RALGAPA1: variants seen among roughly 807,000 people sequenced by gnomAD.
RALGAPA1 encodes Ral GTPase activating protein catalytic subunit alpha 1.
RALGAPA1 carries 52 observed loss-of-function variants against 269.6 expected under a neutral mutation model. The observed-to-expected ratio is 0.19, with a 90% CI of 0.15 to 0.24. The LOEUF (loss-of-function observed/expected upper bound fraction) is 0.24. Among genes scored for constraint, RALGAPA1 ranks in the 10% least tolerant of loss-of-function variants. The pLI, the probability that RALGAPA1 is intolerant of heterozygous loss-of-function variation, is 1.00. For synonymous variants in RALGAPA1, 817 were observed against 1,008.3 expected, an observed-to-expected ratio of 0.81 and a Z score of 3.60; for missense variants, 1,917 against 3,013.9, an observed-to-expected ratio of 0.64 and a Z score of 8.52.
At chr14:35,658,794 T>C (rs1392187073) in intron 28 of RALGAPA1, among the ~76,000 whole-genome samples, 1 of 151,716 alleles carries the variant, frequency 6.6e-6, no homozygotes, top group Non-Finnish European at 1.5e-5. Flanking sequence ...CAAAAATTCA[T>C]TGGGTACCTG....
At chr14:35,673,602 C>T (rs935009762) in intron 24 of RALGAPA1, among the ~76,000 whole-genome samples, 5 of 151,736 alleles carry the variant, frequency 3.3e-5, no homozygotes, top group Non-Finnish European at 2.9e-5. Context: ...TTTTTTGAGA[C>T]GGAGTTTCGC....
At chr14:35,559,679 C>A (rs1019403884) in intron 39 of RALGAPA1, among the ~76,000 whole-genome samples, 2 of 152,142 alleles carry the variant, frequency 1.3e-5, no homozygotes, top group Non-Finnish European at 2.9e-5. Flanking sequence ...CATACTGTTA[C>A]ACTAAATTTG....
intron 35 of RALGAPA1, among the ~76,000 whole-genome samples, chr14:35,614,204 TC>T (rs2060116474): frequency 6.6e-6 from 1 of 152,212 alleles, no homozygotes; most frequent in Non-Finnish European, 1.5e-5. Context: ...AGTTATCATA[TC>T]ATCCAGCAAT....
Position 35,634,714 on chromosome 14 carries a change from G to C in RALGAPA1, c.5855C>G (p.Pro1952Arg). ...AGAGAGGCTCATGGGAAAATACCTT[G>C]GATTGCTAAAACACTGAGCTCCATA... ...CVYGAQCFSN[P>R]RYFPMSLSDL... The change falls in exon 33 of 42, where the codon CCA becomes CGA. Residue 1952 changes from proline to arginine, a missense_variant. Coordinates refer to ENST00000680220, the MANE Select transcript of RALGAPA1 (RefSeq NM_001346249.2). 1.2e-6 allele frequency: 2 copies of C among 1,612,028 alleles called. No homozygotes were observed. Among genetic ancestry groups the C allele is most frequent in the Non-Finnish European group, 1.7e-6 (2 of 1,178,880 alleles).
chr14:35,716,456 A>G (rs2068838234), intron 16 of RALGAPA1, among the ~76,000 whole-genome samples: 1 of 151,816 alleles, frequency 6.6e-6, no homozygotes. Context: ...CCTCCCCTAA[A>G]TATTTCAGGA....
At chr14:35,663,658 C>T (rs1484783722) in intron 27 of RALGAPA1, among the ~76,000 whole-genome samples, 2 of 149,672 alleles carry the variant, frequency 1.3e-5, no homozygotes, top group African/African-American at 5.0e-5. Flanking sequence ...GGCGCAATCT[C>T]GGCTCACTGC....
chr14:35,655,281 A>C (rs2063105673), intron 29 of RALGAPA1, among the ~76,000 whole-genome samples: 1 of 152,122 alleles, frequency 6.6e-6, no homozygotes, highest in Non-Finnish European at 1.5e-5. Context: ...TACAAGTCTT[A>C]AAACAACAAT....
chr14:35,626,389 C>T (rs1387387014), intron 34 of RALGAPA1, among the ~76,000 whole-genome samples: 1 of 152,146 alleles, frequency 6.6e-6, no homozygotes, highest in African/African-American at 2.4e-5. Context: ...ATACATTACC[C>T]CTCCTTCCAC....
chr14:35,790,983 G>A (rs1214947491), intron 1 of RALGAPA1, among the ~76,000 whole-genome samples: 1 of 152,142 alleles, frequency 6.6e-6, no homozygotes, highest in African/African-American at 2.4e-5. Context: ...AGATGAAGCA[G>A]TCTTAAGATG....
At chr14:35,765,912 A>G in intron 4 of RALGAPA1, 1 of 1,153,236 alleles carries the variant, frequency 8.7e-7, no homozygotes, top group Non-Finnish European at 1.3e-6. Flanking sequence ...TGAGTTTGCT[A>G]TGAGATCTGG....
In RALGAPA1 at chr14:35,752,066, G is replaced by A; in HGVS notation, c.760C>T (p.Pro254Ser). The A allele has an allele frequency of 1.3e-6, 2 of 1,580,886 alleles. No individual in the cohort carries two copies. The highest frequency in any genetic ancestry group is 1.7e-6 in the Non-Finnish European group (2 of 1,168,976). Residue 254 changes from proline to serine, a missense_variant, in exon 8 of 42, where the codon CCA becomes TCA. Transcript: ENST00000680220. ...AAACTGTTTTCCTTACAGATGTTTG[G>A]AAAAATATAAGGCAAGTAATATTTC... ...FKKYYLPYIF[P>S]NICKENSLYH...
chr14:35,656,010 T>G, intron 28 of RALGAPA1, 95 bp from the exon 29 acceptor site: 1 of 1,575,186 alleles, frequency 6.3e-7, no homozygotes, highest in Non-Finnish European at 8.6e-7. Context: ...CATGCACTAT[T>G]TTAAATGAAT....
chr14:35,560,502 T>C (rs922561312), intron 39 of RALGAPA1, among the ~76,000 whole-genome samples: 13 of 152,132 alleles, frequency 8.5e-5, no homozygotes, highest in Admixed American at 8.5e-4. Context: ...TTCCATCCCA[T>C]CCTCTCACCC....
intron 16 of RALGAPA1, among the ~76,000 whole-genome samples, chr14:35,708,550 G>C (rs1470783246): frequency 1.3e-5 from 2 of 152,102 alleles, no homozygotes; most frequent in African/African-American, 2.4e-5. Flanking sequence ...ACTACAATGA[G>C]ATAGCCCACC....
Position 35,790,842 on chromosome 14 carries a change from A to G in RALGAPA1, c.107-15097T>C, listed in dbSNP as rs1006612260. On this transcript the variant is annotated intron_variant, in intron 1 of 41. Transcript: ENST00000680220. The stretch of plus-strand genomic sequence containing the variant: ...AAACTTTTTGTTAAACTTTTGTAAC[A>G]GAAGTCTGCAAAAGGGTAATCGCTT... Among the ~76,000 whole-genome samples the G allele has an allele frequency of 2.6e-5, 4 of 152,208 alleles. No individual in the cohort carries two copies. In the East Asian group the frequency reaches 7.7e-4, roughly 29 times the overall value.
intron 17 of RALGAPA1, among the ~76,000 whole-genome samples, chr14:35,698,278 G>A (rs535227824): frequency 6.6e-6 from 1 of 152,258 alleles, no homozygotes; most frequent in African/African-American, 2.4e-5. Context: ...TTACAGCAAA[G>A]CAAGAATTCT....
At chr14:35,582,122 A>G (rs989441014) in intron 37 of RALGAPA1, among the ~76,000 whole-genome samples, 3 of 152,224 alleles carry the variant, frequency 2.0e-5, no homozygotes, top group African/African-American at 7.2e-5. Context: ...AAACAGGCAC[A>G]AAAGGACACA....
intron 35 of RALGAPA1, among the ~76,000 whole-genome samples, chr14:35,612,455 G>A (rs117020285): frequency 2.2e-3 from 336 of 150,866 alleles, no homozygotes; most frequent in South Asian, 2.7e-3. Context: ...AAAATGTAAG[G>A]GCGGAAACTA....
chr14:35,688,563 G>A lies in RALGAPA1; in HGVS notation c.3848C>T (p.Pro1283Leu), dbSNP rs1217269897. ...CCTCTGTGGGGAAACATTTGCCTTCGGCTTCGAAAGAGCATGTACAACAGT... is the reference window on the plus strand; with the variant it reads ...CCTCTGTGGGGAAACATTTGCCTTCAGCTTCGAAAGAGCATGTACAACAGT... Reference protein sequence around the residue: ...YKTVVHALSKPKANVSPQRQN... With the variant: ...YKTVVHALSKLKANVSPQRQN... The change falls in exon 18 of 42, where the codon CCG becomes CTG. Residue 1283 changes from proline (P) to leucine (L), a missense_variant. Physicochemically the swap from Pro to Leu is moderately conservative, Grantham distance 98. Around this residue, in one of 11 missense-constraint regions of RALGAPA1, gnomAD observed 615 missense variants for 790.0 expected, o/e 0.78. Transcript: ENST00000680220. The A allele has an allele frequency of 2.6e-6, 4 of 1,536,090 alleles. No individual in the cohort carries two copies. Among genetic ancestry groups the A allele is most frequent in the South Asian group, 2.4e-5 (2 of 84,060 alleles).
Sources: gnomAD v4.1 joint callset for allele counts (sites outside exome capture counted in the v4.1 genomes callset) on GRCh38, gnomAD v4.1.1 for gene constraint, gnomAD v4.1.1 regional missense constraint, MANE v1.5 for transcripts, NCBI Gene and HGNC (gene_info 2026-07-23, HGNC 2026-07-21) for gene names.